Variants in SLC14A2 observed in about 807,000 individuals in gnomAD.
SLC14A2 encodes solute carrier family 14 member 2, also known as urea transporter 2.
A neutral mutation model predicts 104.6 loss-of-function variants in SLC14A2; 91 were observed. The ratio of observed to expected loss-of-function variants is 0.87; its 90% CI spans 0.73 to 1.04. The LOEUF (loss-of-function observed/expected upper bound fraction) is 1.04. Ranked by LOEUF, SLC14A2 falls within the 50% of genes least tolerant of loss-of-function variation. The pLI is 0.00. For synonymous variants in SLC14A2, 476 were observed against 466.4 expected (o/e 1.02, Z -0.27); for missense variants, 1,189 against 1,156.0 (o/e 1.03, Z -0.41).
chr18:45,668,438 G>T lies in SLC14A2; in HGVS notation c.1997G>T (p.Trp666Leu), dbSNP rs1422881632. 8.1e-6 allele frequency: 13 copies of T among 1,614,126 alleles called. No individual in the cohort carries two copies. The highest frequency in any genetic ancestry group is 1.1e-5 in the Non-Finnish European group (13 of 1,180,014). Residue 666 changes from tryptophan (W) to leucine (L), a missense_variant, in exon 15 of 20, where the codon TGG becomes TTG. Coordinates refer to ENST00000255226, the MANE Select transcript of SLC14A2 (RefSeq NM_007163.4). ...AVFSDKGDYYWWLLLPVIIMS... is the reference protein window; with the variant it reads ...AVFSDKGDYYLWLLLPVIIMS... ...TTCTCAGACAAAGGTGACTACTACT[G>T]GTGGCTGTTGCTACCCGTCATCATC...
intron 1 of SLC14A2, among the ~76,000 whole-genome samples, chr18:45,264,942 T>G (rs2084576918): frequency 6.6e-6 from 1 of 152,150 alleles, no homozygotes. Context: ...GGTTATGTTC[T>G]AGAAATTTCA....
chr18:45,671,602 T>C (rs1171394613), intron 16 of SLC14A2, among the ~76,000 whole-genome samples: 1 of 152,112 alleles, frequency 6.6e-6, no homozygotes, highest in Non-Finnish European at 1.5e-5. Context: ...CTGTCCCCTT[T>C]GCCCTGCATG....
At chr18:45,526,540 C>T (rs968777966) in intron 2 of SLC14A2, among the ~76,000 whole-genome samples, 1 of 152,078 alleles carries the variant, frequency 6.6e-6, no homozygotes, top group Non-Finnish European at 1.5e-5. Context: ...AAGAAACTAA[C>T]CAGAAAATCC....
At chr18:45,558,632 G>A (rs1366459397) in intron 2 of SLC14A2, among the ~76,000 whole-genome samples, 1 of 135,244 alleles carries the variant, frequency 7.4e-6, no homozygotes, top group Non-Finnish European at 1.6e-5. Flanking sequence ...AACTATGGAA[G>A]TGTGAGCCAA....
upstream of SLC14A2, among the ~76,000 whole-genome samples, chr18:45,212,445 G>T (rs1037155551): frequency 2.0e-5 from 3 of 152,050 alleles, no homozygotes; most frequent in Non-Finnish European, 4.4e-5. Flanking sequence ...GGTGAAAATG[G>T]GGCAATAGTA....
At chr18:45,240,951 C>T (rs2084309587) in intron 1 of SLC14A2, among the ~76,000 whole-genome samples, 1 of 152,170 alleles carries the variant, frequency 6.6e-6, no homozygotes, top group Non-Finnish European at 1.5e-5. Context: ...AGCCACCGCG[C>T]CCAGCTTCAT....
chr18:45,381,566 C>A (rs939509988), intron 1 of SLC14A2, among the ~76,000 whole-genome samples: 1 of 152,168 alleles, frequency 6.6e-6, no homozygotes, highest in Non-Finnish European at 1.5e-5. Context: ...TATTTTCTTT[C>A]TTTCTTCTGC....
At chr18:45,237,825 G>A (rs958770868) in intron 1 of SLC14A2, among the ~76,000 whole-genome samples, 1 of 152,132 alleles carries the variant, frequency 6.6e-6, no homozygotes, top group Non-Finnish European at 1.5e-5. Flanking sequence ...GAGTCTGCAG[G>A]GCCCCTGGGA....
At chr18:45,264,787 G>A (rs1189926595) in intron 1 of SLC14A2, among the ~76,000 whole-genome samples, 1 of 152,110 alleles carries the variant, frequency 6.6e-6, no homozygotes, top group Non-Finnish European at 1.5e-5. Flanking sequence ...TGAGAGTTAT[G>A]GGGGCCACAA....
At chr18:45,498,502 C>G (rs1443625042) in intron 2 of SLC14A2, among the ~76,000 whole-genome samples, 1 of 152,206 alleles carries the variant, frequency 6.6e-6, no homozygotes, top group Non-Finnish European at 1.5e-5. Flanking sequence ...TGCTGCAACA[C>G]CATAAGTTCT....
At chr18:45,241,589 C>A (rs923283697) in intron 1 of SLC14A2, among the ~76,000 whole-genome samples, 1 of 151,848 alleles carries the variant, frequency 6.6e-6, no homozygotes, top group Non-Finnish European at 1.5e-5. Flanking sequence ...GTCCTCTGGC[C>A]TCTTCTCAGC....
intron 1 of SLC14A2, among the ~76,000 whole-genome samples, chr18:45,265,522 G>A (rs182773692): frequency 6.6e-6 from 1 of 152,052 alleles, no homozygotes; most frequent in Non-Finnish European, 1.5e-5. Flanking sequence ...CTTTGTGTCT[G>A]CCCACCCTTT....
chr18:45,565,037 A>C (rs544351940), intron 2 of SLC14A2, among the ~76,000 whole-genome samples: 1 of 130,430 alleles, frequency 7.7e-6, no homozygotes, highest in East Asian at 2.3e-4. Context: ...GTGGAAGAGC[A>C]CATGTGGGTG....
intron 1 of SLC14A2, among the ~76,000 whole-genome samples, chr18:45,356,450 C>T (rs769412733): frequency 3.9e-5 from 6 of 152,294 alleles, no homozygotes; most frequent in South Asian, 2.1e-4. Flanking sequence ...CAGAGTGTGA[C>T]GGTATCCCAC....
intron 1 of SLC14A2, among the ~76,000 whole-genome samples, chr18:45,287,392 G>T (rs941360257): frequency 6.6e-5 from 10 of 152,232 alleles, no homozygotes; most frequent in Non-Finnish European, 1.2e-4. Flanking sequence ...TGGAGTGCAA[G>T]TGTTGTGAAC....
chr18:45,398,770 G>T lies in SLC14A2; in HGVS notation c.-124-84463G>T, dbSNP rs59029906. ...ACCCAACCAACTTAGGGCACTTAGAGCACGCAAACTCACAGAGACAGAAAG... is the reference window on the plus strand; with the variant it reads ...ACCCAACCAACTTAGGGCACTTAGATCACGCAAACTCACAGAGACAGAAAG... On this transcript the variant is annotated intron_variant, in intron 1 of 20. Coordinates refer to the SLC14A2 transcript ENST00000586448. Among the ~76,000 whole-genome samples the T allele has an allele frequency of 3.3e-3, 499 of 152,174 alleles. 4 individuals are homozygous for T. Among genetic ancestry groups the T allele is most frequent in the African/African-American group, 0.011 (476 of 41,524 alleles).
chr18:45,413,426 C>G (rs762093570), intron 1 of SLC14A2, among the ~76,000 whole-genome samples: 1 of 152,168 alleles, frequency 6.6e-6, no homozygotes, highest in Non-Finnish European at 1.5e-5. Context: ...GTGGTTCCAT[C>G]AAAGAGTGCT....
At chr18:45,499,927 A>G (rs2043164971) in intron 2 of SLC14A2, among the ~76,000 whole-genome samples, 1 of 152,226 alleles carries the variant, frequency 6.6e-6, no homozygotes, top group East Asian at 1.9e-4. Flanking sequence ...CTCCACGTGC[A>G]TTAATTGAAC....
At chr18:45,278,214 A>C (rs1342628599) in intron 1 of SLC14A2, among the ~76,000 whole-genome samples, 2 of 152,192 alleles carry the variant, frequency 1.3e-5, no homozygotes, top group East Asian at 3.8e-4. Flanking sequence ...ATATTTATTC[A>C]GTGTGACATT....
Sources: allele counts gnomAD v4.1 joint callset (sites outside exome capture counted in the v4.1 genomes callset), GRCh38; gene constraint gnomAD v4.1.1; transcripts MANE v1.5; gene names NCBI Gene and HGNC (gene_info 2026-07-23, HGNC 2026-07-21).